The following BCHE variants were observed in gnomAD, a reference collection of about 807,000 sequenced individuals.
BCHE encodes the protein cholinesterase.
BCHE carries 48 observed loss-of-function variants against 51.3 expected under a neutral mutation model. The observed-to-expected ratio is 0.94, with a 90% CI of 0.74 to 1.19. The LOEUF is 1.19. Among genes scored for constraint, BCHE ranks in the 50% most tolerant of loss-of-function variants. The probability of loss-of-function intolerance (pLI) is 0.00; values close to 1 mark genes in which losing one functional copy is unlikely to be tolerated. For synonymous variants in BCHE, 251 were observed against 238.0 expected (o/e 1.05, Z -0.50); for missense variants, 847 against 708.2 (o/e 1.20, Z -2.23).
intron 3 of BCHE, among the ~76,000 whole-genome samples, chr3:165,773,879 G>T (rs192926086): frequency 2.6e-5 from 4 of 151,764 alleles, no homozygotes. Context: ...TCATTTAATG[G>T]TCTCATTTAC....
intron 2 of BCHE, among the ~76,000 whole-genome samples, chr3:165,807,064 A>T (rs922430373): frequency 4.6e-5 from 7 of 152,186 alleles, no homozygotes; most frequent in African/African-American, 1.7e-4. Context: ...GGAGTAGGAA[A>T]TGTAAATGGT....
At chr3:165,787,406 G>A (rs950408039) in intron 2 of BCHE, among the ~76,000 whole-genome samples, 2 of 151,654 alleles carry the variant, frequency 1.3e-5, no homozygotes, top group East Asian at 1.9e-4. Context: ...TTTCCTCAGG[G>A]AATTTATAAG....
intron 2 of BCHE, among the ~76,000 whole-genome samples, chr3:165,826,963 C>G (rs1714745459): frequency 6.6e-6 from 1 of 152,040 alleles, no homozygotes; most frequent in South Asian, 2.1e-4. Flanking sequence ...TCAAAAAGGG[C>G]TCCAGACATT....
In BCHE at chr3:165,837,373, G is replaced by C; in HGVS notation, c.-68C>G. The C allele has an allele frequency of 7.8e-7, 1 of 1,289,718 alleles. No individual in the cohort carries two copies. The highest frequency in any genetic ancestry group is 1.2e-5 in the South Asian group (1 of 81,030). The allele number at this position is 1,289,718 out of a possible 1,614,324, so 79.9% of individuals were successfully genotyped here. The stretch of plus-strand genomic sequence containing the variant: ...AGGAGTGAAAATCATGTAATACTTC[G>C]GGGAAATGCAGGATGCAGCTGCTGC... On this transcript the variant is annotated 5_prime_UTR_variant, in exon 1 of 4. Transcript: ENST00000264381.
Position 165,829,822 on chromosome 3 carries a change from C to A in BCHE, c.1212G>T (p.Trp404Cys). The A allele has an allele frequency of 6.2e-7, 1 of 1,613,760 alleles. No individual in the cohort carries two copies. The highest frequency in any genetic ancestry group is 8.5e-7 in the Non-Finnish European group (1 of 1,179,846). Residue 404 changes from tryptophan (W) to cysteine (C), a missense_variant, in exon 2 of 4, where the codon TGG becomes TGT. Coordinates refer to ENST00000264381, the MANE Select transcript of BCHE (RefSeq NM_000055.4). ...KESILFHYTD[W>C]VDDQRPENYR... Reference sequence around the variant, plus strand: ...AGTTTTCAGGTCTCTGATCATCTACCCAGTCTGTGTAATGAAAAAGGATGG... The same window carrying A: ...AGTTTTCAGGTCTCTGATCATCTACACAGTCTGTGTAATGAAAAAGGATGG...
At chr3:165,785,392 A>T (rs1294273613) in intron 3 of BCHE, among the ~76,000 whole-genome samples, 1 of 151,834 alleles carries the variant, frequency 6.6e-6, no homozygotes, top group Non-Finnish European at 1.5e-5. Flanking sequence ...TGAGTTGGAT[A>T]TATGTCATAT....
chr3:165,818,234 AAAAT>A (rs1448866737), intron 2 of BCHE, among the ~76,000 whole-genome samples: 15 of 152,010 alleles, frequency 9.9e-5, no homozygotes, highest in Non-Finnish European at 1.6e-4. Context: ...TATAAACTAT[AAAAT>A]AAATAAATAG....
intron 3 of BCHE, among the ~76,000 whole-genome samples, chr3:165,779,875 T>C (rs1712618078): frequency 6.6e-6 from 1 of 152,180 alleles, no homozygotes; most frequent in African/African-American, 2.4e-5. Flanking sequence ...TCCCATAAAC[T>C]ACTATTGACT....
rs545171075 is a variant in BCHE at position 165,782,600 on chromosome 3, A to G, written c.1684+3545T>C. 2.6e-5 allele frequency among the ~76,000 whole-genome samples: 4 copies of G among 152,266 alleles called. No individual in the cohort carries two copies. In the East Asian group the frequency reaches 7.7e-4, roughly 29 times the overall value. On this transcript the variant is annotated intron_variant, in intron 3 of 3. Coordinates refer to ENST00000264381, the MANE Select transcript of BCHE (RefSeq NM_000055.4). ...AGGACACTGAGTAAATTTTCACCAG[A>G]GCTAAGTCTATTTAACAAAGTCTAA...
At chr3:165,835,453 TTAAA>T (rs1176100104) in intron 1 of BCHE, among the ~76,000 whole-genome samples, 4 of 151,800 alleles carry the variant, frequency 2.6e-5, no homozygotes, top group Non-Finnish European at 5.9e-5. Context: ...AAAGTTACAA[TTAAA>T]TAAATATTTA....
intron 2 of BCHE, among the ~76,000 whole-genome samples, chr3:165,818,545 C>G (rs1399426318): frequency 2.0e-5 from 3 of 152,074 alleles, no homozygotes; most frequent in African/African-American, 7.2e-5. Flanking sequence ...CAGTAGCTTT[C>G]TTTGTAAAAT....
At chr3:165,781,187 G>A (rs1468396953) in intron 3 of BCHE, among the ~76,000 whole-genome samples, 2 of 152,102 alleles carry the variant, frequency 1.3e-5, no homozygotes, top group Non-Finnish European at 2.9e-5. Context: ...GGAAATGGAG[G>A]TTGTGGTGAG....
intron 2 of BCHE, among the ~76,000 whole-genome samples, chr3:165,827,636 A>C (rs1032134925): frequency 6.6e-6 from 1 of 152,056 alleles, no homozygotes; most frequent in African/African-American, 2.4e-5. Context: ...TGAAAAGTTT[A>C]GGTTTCAATA....
At chr3:165,793,235 TATA>T (rs1360631844) in intron 2 of BCHE, among the ~76,000 whole-genome samples, 1 of 152,214 alleles carries the variant, frequency 6.6e-6, no homozygotes, top group Non-Finnish European at 1.5e-5. Flanking sequence ...TCAATACAGC[TATA>T]ATATTATAAA....
At chr3:165,818,886 G>A (rs1378959978) in intron 2 of BCHE, among the ~76,000 whole-genome samples, 1 of 151,920 alleles carries the variant, frequency 6.6e-6, no homozygotes, top group Non-Finnish European at 1.5e-5. Context: ...GACATAGAGG[G>A]AACAATTAAC....
intron 2 of BCHE, among the ~76,000 whole-genome samples, chr3:165,793,760 G>T (rs999412142): frequency 2.0e-5 from 3 of 152,150 alleles, no homozygotes. Flanking sequence ...TGTCTCACGT[G>T]CAAACCATTT....
At chr3:165,814,942 AT>A (rs1714248312) in intron 2 of BCHE, among the ~76,000 whole-genome samples, 2 of 148,804 alleles carry the variant, frequency 1.3e-5, no homozygotes, top group South Asian at 4.2e-4. Flanking sequence ...TTATACTAAT[AT>A]TTAATTATAA....
At chr3:165,805,504 T>C (rs1485448618) in intron 2 of BCHE, among the ~76,000 whole-genome samples, 3 of 152,200 alleles carry the variant, frequency 2.0e-5, no homozygotes, top group Non-Finnish European at 4.4e-5. Flanking sequence ...ACATGTTTCT[T>C]AGTGGCATAC....
rs575386082 is a variant in BCHE at position 165,834,923 on chromosome 3, C to T, written c.-9+2391G>A. Reference sequence around the variant, plus strand: ...TTCTGAGAGAACATAGTAGCATAAACATTATCATAAAAATGGGGCACATTT... The same window carrying T: ...TTCTGAGAGAACATAGTAGCATAAATATTATCATAAAAATGGGGCACATTT... On this transcript the variant is annotated intron_variant, in intron 1 of 3. Transcript: ENST00000264381. Among the ~76,000 whole-genome samples the T allele has an allele frequency of 1.3e-3, 197 of 151,910 alleles. 1 individual carries two copies. The highest frequency in any genetic ancestry group is 4.2e-3 in the African/African-American group (174 of 41,512).
Sources: gnomAD v4.1 joint callset for allele counts (sites outside exome capture counted in the v4.1 genomes callset) on GRCh38, gnomAD v4.1.1 for gene constraint, MANE v1.5 for transcripts, NCBI Gene and HGNC (gene_info 2026-07-23, HGNC 2026-07-21) for gene names.